CDH13: variants seen among roughly 807,000 people sequenced by gnomAD.
CDH13 encodes cadherin 13.
In CDH13, 24 loss-of-function variants were observed where a neutral mutation model predicts 63.8. That is an observed-to-expected ratio of 0.38 (90% CI 0.27 to 0.53). CDH13 has a LOEUF of 0.53. Among genes scored for constraint, CDH13 ranks in the 20% least tolerant of loss-of-function variants. The pLI is 0.85. For synonymous variants in CDH13, 503 were observed against 355.3 expected (o/e 1.42, Z -4.67); for missense variants, 1,049 against 903.1 (o/e 1.16, Z -2.07).
intron 4 of CDH13, among the ~76,000 whole-genome samples, chr16:83,195,732 A>G (rs1042817329): frequency 1.3e-5 from 2 of 152,188 alleles, no homozygotes; most frequent in African/African-American, 2.4e-5. Context: ...CACCCTAGCA[A>G]CAGTCATCAA....
chr16:82,774,903 C>T (rs929959525), intron 1 of CDH13, among the ~76,000 whole-genome samples: 6 of 152,172 alleles, frequency 3.9e-5, no homozygotes, highest in Non-Finnish European at 8.8e-5. Flanking sequence ...ATAGCTGCAG[C>T]TGAGGAATAA....
chr16:83,124,709 A>G (rs1026474996), intron 3 of CDH13, among the ~76,000 whole-genome samples: 3 of 151,964 alleles, frequency 2.0e-5, no homozygotes, highest in African/African-American at 7.2e-5. Context: ...TGTGGGTCCA[A>G]TTTCACTCTT....
chr16:82,986,826 C>G (rs1036670061), intron 2 of CDH13, among the ~76,000 whole-genome samples: 2 of 152,318 alleles, frequency 1.3e-5, no homozygotes, highest in Non-Finnish European at 1.5e-5. Flanking sequence ...ATATCTCATT[C>G]TGTCATACCT....
At chr16:82,840,281 C>G (rs2038949877) in intron 1 of CDH13, among the ~76,000 whole-genome samples, 1 of 151,458 alleles carries the variant, frequency 6.6e-6, no homozygotes, top group African/African-American at 2.4e-5. Context: ...GGGCGATGTC[C>G]TTAGTCTGAG....
At chr16:82,764,046 T>C (rs1448023763) in intron 1 of CDH13, among the ~76,000 whole-genome samples, 2 of 152,242 alleles carry the variant, frequency 1.3e-5, no homozygotes, top group Non-Finnish European at 2.9e-5. Context: ...CTGCTTGTTT[T>C]AGTATGCGCT....
At chr16:83,773,733 A>G (rs2070330529) in intron 11 of CDH13, among the ~76,000 whole-genome samples, 1 of 152,146 alleles carries the variant, frequency 6.6e-6, no homozygotes, top group Non-Finnish European at 1.5e-5. Context: ...AAGCCTATCT[A>G]TCCTTAGGAG....
At chr16:83,421,527 T>G (rs941606420) in intron 6 of CDH13, among the ~76,000 whole-genome samples, 22 of 152,184 alleles carry the variant, frequency 1.4e-4, no homozygotes. Flanking sequence ...CACATCAAGA[T>G]CATGTTGAAA....
intron 3 of CDH13, among the ~76,000 whole-genome samples, chr16:83,091,222 C>T (rs2033891192): frequency 6.6e-6 from 1 of 151,864 alleles, no homozygotes; most frequent in Admixed American, 6.6e-5. Context: ...TCCTTCTCCT[C>T]CTCTTTGCTT....
chr16:83,369,767 C>T (rs2091329000), intron 6 of CDH13, among the ~76,000 whole-genome samples: 1 of 152,118 alleles, frequency 6.6e-6, no homozygotes, highest in African/African-American at 2.4e-5. Flanking sequence ...GTAGACCCCA[C>T]TCCTCCTAGG....
At chr16:83,583,248 T>G (rs533376613) in intron 7 of CDH13, among the ~76,000 whole-genome samples, 2 of 152,338 alleles carry the variant, frequency 1.3e-5, no homozygotes, top group East Asian at 3.9e-4. Flanking sequence ...TCTCCAGATC[T>G]TTAACTTAAT....
At chr16:83,667,430 A>G (rs1029169592) in intron 8 of CDH13, among the ~76,000 whole-genome samples, 1 of 151,536 alleles carries the variant, frequency 6.6e-6, no homozygotes, top group South Asian at 2.1e-4. Context: ...CCATCCATCC[A>G]CCACCCACCC....
At chr16:82,824,269 A>G (rs915412947) in intron 1 of CDH13, 2 of 152,102 alleles carry the variant, frequency 1.3e-5, no homozygotes, top group African/African-American at 4.8e-5. Flanking sequence ...GTTACCTTAC[A>G]AAGATGATAG....
intron 1 of CDH13, among the ~76,000 whole-genome samples, chr16:82,854,356 G>A (rs998151348): frequency 5.6e-5 from 8 of 143,712 alleles, no homozygotes; most frequent in East Asian, 2.1e-4. Flanking sequence ...AGCCAAGATC[G>A]TGCCACTGCA....
chr16:83,124,643 G>A (rs1419986904), intron 3 of CDH13, among the ~76,000 whole-genome samples: 2 of 151,818 alleles, frequency 1.3e-5, no homozygotes, highest in African/African-American at 2.4e-5. Context: ...ATAGTTGCAG[G>A]TCTTATGTTT....
At chr16:83,085,375 A>G (rs1341183239) in intron 3 of CDH13, among the ~76,000 whole-genome samples, 1 of 152,180 alleles carries the variant, frequency 6.6e-6, no homozygotes, top group African/African-American at 2.4e-5. Context: ...TGGGAGATAC[A>G]GTTCAAGTTG....
At chr16:82,841,900 A>T (rs1283184138) in intron 1 of CDH13, among the ~76,000 whole-genome samples, 2 of 151,932 alleles carry the variant, frequency 1.3e-5, no homozygotes, top group Non-Finnish European at 2.9e-5. Flanking sequence ...TCACATTAGT[A>T]GCTTGAAATT....
At chr16:83,601,372 T>A (rs1334237819) in intron 7 of CDH13, among the ~76,000 whole-genome samples, 1 of 152,184 alleles carries the variant, frequency 6.6e-6, no homozygotes, top group Non-Finnish European at 1.5e-5. Flanking sequence ...TTTGAGTATA[T>A]AAACATGATA....
At position 83,390,916 on chromosome 16, in the gene CDH13, G is replaced by A. The variant is rs148516010; in HGVS notation, c.781+45910G>A. Among the ~76,000 whole-genome samples, 346 of 152,346 alleles carry A rather than the reference G, an allele frequency of 2.3e-3. 1 individual carries two copies. The highest frequency in any genetic ancestry group is 7.2e-3 in the African/African-American group (299 of 41,578). On this transcript the variant is annotated intron_variant, in intron 6 of 13. Transcript: ENST00000567109. ...ATCCACTGGAGCTGACCTCTTTGAT[G>A]TCAGGCTCAGCAGAGGCCTGGCTCT...
At chr16:83,261,043 C>G (rs919234382) in intron 5 of CDH13, among the ~76,000 whole-genome samples, 4 of 151,930 alleles carry the variant, frequency 2.6e-5, no homozygotes, top group African/African-American at 9.7e-5. Flanking sequence ...GCAGTAGACC[C>G]TCACATTTCA....
Sources: allele counts gnomAD v4.1 joint callset (sites outside exome capture counted in the v4.1 genomes callset), GRCh38; gene constraint gnomAD v4.1.1; transcripts MANE v1.5; gene names NCBI Gene and HGNC (gene_info 2026-07-23, HGNC 2026-07-21).